SPATS2: variants seen among roughly 807,000 people sequenced by gnomAD.
SPATS2 encodes spermatogenesis-associated serine-rich protein 2.
Under a neutral mutation model 63.7 loss-of-function variants are expected in SPATS2, and 38 were observed. The ratio of observed to expected loss-of-function variants is 0.60; its 90% confidence interval spans 0.46 to 0.78. The LOEUF is 0.78. SPATS2 is among the 30% of genes least tolerant of loss of function. SPATS2 has a pLI of 0.00. For missense variants in SPATS2, 588 were observed against 666.2 expected (o/e 0.88, Z 1.29); for synonymous variants, 207 against 232.9 (o/e 0.89, Z 1.01).
chr12:49,496,585 A>G (rs1205918244), intron 7 of SPATS2, among the ~76,000 whole-genome samples: 1 of 152,236 alleles, frequency 6.6e-6, no homozygotes, highest in Non-Finnish European at 1.5e-5. Context: ...TGAGCTCCCT[A>G]TCTAAAGATG....
chr12:49,437,488 T>A (rs1393407715), intron 2 of SPATS2, among the ~76,000 whole-genome samples: 1 of 150,996 alleles, frequency 6.6e-6, no homozygotes, highest in Non-Finnish European at 1.5e-5. Context: ...AGCTGGGAGG[T>A]GGAGGTTGTA....
At position 49,509,769 on chromosome 12, in the gene SPATS2, A is replaced by C. The variant is rs530575542; in HGVS notation, c.840-4786A>C. ...GAGGTAGACGTTGCAGTGAGCCAAG[A>C]TCACGTCACTGCACTCCAGCCTGGG... On this transcript the variant is annotated intron_variant, in intron 9 of 13. Coordinates refer to ENST00000552918, the MANE Select transcript of SPATS2 (RefSeq NM_023071.4). 5.3e-5 allele frequency among the ~76,000 whole-genome samples: 8 copies of C among 150,966 alleles called. No individual in the cohort carries two copies. In the East Asian group the frequency reaches 1.4e-3, roughly 26 times the overall value.
intron 3 of SPATS2, among the ~76,000 whole-genome samples, chr12:49,465,382 T>G (rs1429878591): frequency 6.6e-6 from 1 of 152,148 alleles, no homozygotes; most frequent in Non-Finnish European, 1.5e-5. Context: ...TTTTTATTAT[T>G]ATAGCTATCT....
chr12:49,426,830 AC>A (rs1195910037), intron 2 of SPATS2, among the ~76,000 whole-genome samples: 2 of 152,216 alleles, frequency 1.3e-5, no homozygotes, highest in Non-Finnish European at 2.9e-5. Flanking sequence ...GGCGTGAGCC[AC>A]CGTGCCCAGC....
rs1291674618 is a variant in SPATS2, at chr12:49,399,065, C to T, written c.-244+27775C>T. On this transcript the variant is annotated intron_variant, in intron 2 of 13. Transcript: ENST00000552918. ...ATTTTGCCTTTGCCAGACTCAAGGG[C>T]TTCTCACCTTCTGACCCCTGCATTT... Among the ~76,000 whole-genome samples the T allele has an allele frequency of 2.0e-5, 3 of 152,230 alleles. No homozygotes were observed. The East Asian group carries it at 5.8e-4, about 29-fold the overall frequency.
intron 2 of SPATS2, among the ~76,000 whole-genome samples, chr12:49,459,142 A>G (rs1945773231): frequency 6.6e-6 from 1 of 152,062 alleles, no homozygotes; most frequent in African/African-American, 2.4e-5. Flanking sequence ...TTAAGCAGAG[A>G]AGGAGATGGG....
chr12:49,413,098 C>A (rs1944826521), intron 2 of SPATS2, among the ~76,000 whole-genome samples: 1 of 151,670 alleles, frequency 6.6e-6, no homozygotes, highest in Admixed American at 6.6e-5. Context: ...AGGAACAAAA[C>A]AACTCCAAAC....
At chr12:49,481,457 CAT>C (rs1946204055) in intron 3 of SPATS2, among the ~76,000 whole-genome samples, 2 of 137,432 alleles carry the variant, frequency 1.5e-5, no homozygotes, top group African/African-American at 2.9e-5. Context: ...AAGGCTTCCT[CAT>C]TTTTTTTTTT....
rs1947005096 is a variant in SPATS2, at chr12:49,524,828, T to A, written c.1258T>A (p.Phe420Ile). The stretch of plus-strand genomic sequence containing the variant: ...CCTTACAAGTGCTAACAAGAAAAAC[T>A]TTGCACCGGGAGAGACTCCTGCAGC... ...PSLTSANKKNFAPGETPAAIA... is the reference protein window; with the variant it reads ...PSLTSANKKNIAPGETPAAIA... Residue 420 changes from phenylalanine (F) to isoleucine (I), a missense_variant, in exon 13 of 14, where the codon TTT (phenylalanine) becomes ATT (isoleucine). Transcript: ENST00000552918. 2 of 1,614,038 alleles carry A rather than the reference T, an allele frequency of 1.2e-6. No homozygotes were observed. The highest frequency in any genetic ancestry group is 1.7e-6 in the Non-Finnish European group (2 of 1,180,002).
intron 8 of SPATS2, among the ~76,000 whole-genome samples, chr12:49,497,870 T>C (rs1036233956): frequency 5.9e-5 from 9 of 151,884 alleles, no homozygotes; most frequent in Non-Finnish European, 1.2e-4. Context: ...CAATAATCAT[T>C]TAAACAAACA....
chr12:49,496,327 GGTC>G (rs1946463048), intron 7 of SPATS2, among the ~76,000 whole-genome samples: 1 of 152,114 alleles, frequency 6.6e-6, no homozygotes, highest in Non-Finnish European at 1.5e-5. Context: ...TGCCCAAGCT[GGTC>G]TTAAACTCCT....
At chr12:49,436,302 C>T (rs530123322) in intron 2 of SPATS2, among the ~76,000 whole-genome samples, 4,487 of 124,160 alleles carry the variant, frequency 0.036, 286 homozygotes, top group African/African-American at 0.13. Context: ...CCGGATGGGG[C>T]GGCTGGCCGG....
chr12:49,462,635 G>T (rs1945842009), intron 3 of SPATS2: 2 of 588,630 alleles, frequency 3.4e-6, no homozygotes, highest in Admixed American at 3.0e-5. Context: ...ATTGAAGGAT[G>T]GTAAATGCGG....
At chr12:49,405,631 A>AGAGGTTGCAGTTAGCC (rs1462472650) in intron 2 of SPATS2, among the ~76,000 whole-genome samples, 1 of 151,766 alleles carries the variant, frequency 6.6e-6, no homozygotes, top group African/African-American at 2.4e-5. Context: ...CCCGGGAGGT[A>AGAGGTTGCAGTTAGCC]GAGGTTGCAG....
At chr12:49,416,736 C>T (rs1374896400) in intron 2 of SPATS2, among the ~76,000 whole-genome samples, 1 of 152,126 alleles carries the variant, frequency 6.6e-6, no homozygotes, top group Non-Finnish European at 1.5e-5. Flanking sequence ...TTGCCCACCT[C>T]AGCTTCCCAA....
intron 2 of SPATS2, among the ~76,000 whole-genome samples, chr12:49,421,277 G>T (rs1162661805): frequency 6.6e-6 from 1 of 151,898 alleles, no homozygotes; most frequent in African/African-American, 2.4e-5. Flanking sequence ...AATTAGCTGG[G>T]CATGGTGGCG....
At chr12:49,389,379 T>C (rs1001235804) in intron 2 of SPATS2, 11 of 544,112 alleles carry the variant, frequency 2.0e-5, no homozygotes, top group African/African-American at 1.7e-4. Flanking sequence ...TGGTTCAGCG[T>C]CTGCTAACTG....
intron 4 of SPATS2, among the ~76,000 whole-genome samples, chr12:49,487,064 A>G (rs1946307015): frequency 1.3e-5 from 2 of 152,082 alleles, no homozygotes; most frequent in Admixed American, 1.3e-4. Flanking sequence ...ATAAAATAAT[A>G]AGAACCCTAC....
intron 2 of SPATS2, among the ~76,000 whole-genome samples, chr12:49,383,217 C>G (rs1241456591): frequency 1.3e-5 from 2 of 151,824 alleles, no homozygotes; most frequent in African/African-American, 2.4e-5. Flanking sequence ...GGGGGTTTCA[C>G]CATGTTTGCC....
Sources: allele counts gnomAD v4.1 joint callset (sites outside exome capture counted in the v4.1 genomes callset), GRCh38; gene constraint gnomAD v4.1.1; transcripts MANE v1.5; gene names NCBI Gene and HGNC (gene_info 2026-07-23, HGNC 2026-07-21).